The following PDGFC variants were observed in gnomAD, a reference collection of about 807,000 sequenced individuals.
PDGFC encodes the protein platelet-derived growth factor C.
PDGFC carries 12 observed loss-of-function variants against 35.5 expected under a neutral mutation model. The ratio of observed to expected loss-of-function variants is 0.34; its 90% CI spans 0.22 to 0.55. The LOEUF (loss-of-function observed/expected upper bound fraction) is 0.55, where lower values mean the gene tolerates loss of function less well. Ranked by LOEUF, PDGFC falls within the 20% of genes least tolerant of loss-of-function variation. The pLI is 0.91. For synonymous variants in PDGFC, 159 were observed against 148.8 expected (o/e 1.07, Z -0.50); for missense variants, 322 against 412.4 (o/e 0.78, Z 1.90).
chr4:156,863,209 A>G (rs1414788972), intron 1 of PDGFC, among the ~76,000 whole-genome samples: 1 of 152,196 alleles, frequency 6.6e-6, no homozygotes, highest in African/African-American at 2.4e-5. Context: ...TGATGTTATT[A>G]ATTATGTCAG....
chr4:156,958,212 A>G (rs902526447), intron 1 of PDGFC, among the ~76,000 whole-genome samples: 1 of 151,888 alleles, frequency 6.6e-6, no homozygotes, highest in Non-Finnish European at 1.5e-5. Context: ...TCAGCTTCAG[A>G]CAGGTACCTA....
intron 1 of PDGFC, among the ~76,000 whole-genome samples, chr4:156,952,744 C>A (rs1284654394): frequency 6.6e-6 from 1 of 151,822 alleles, no homozygotes; most frequent in Non-Finnish European, 1.5e-5. Context: ...AAGTAAATTT[C>A]CTTGGTATTG....
chr4:156,864,844 C>T (rs1729798066), intron 1 of PDGFC, among the ~76,000 whole-genome samples: 1 of 152,120 alleles, frequency 6.6e-6, no homozygotes, highest in African/African-American at 2.4e-5. Flanking sequence ...AACTAGCCTT[C>T]AAAATTCCTC....
intron 1 of PDGFC, chr4:156,967,820 C>G (rs1383468304): frequency 1.3e-5 from 2 of 152,202 alleles, no homozygotes; most frequent in African/African-American, 4.8e-5. Flanking sequence ...AGACACCCTC[C>G]AAGCAAGTCA....
intron 1 of PDGFC, among the ~76,000 whole-genome samples, chr4:156,917,001 T>A (rs931118366): frequency 3.3e-5 from 5 of 152,160 alleles, no homozygotes; most frequent in Admixed American, 2.0e-4. Flanking sequence ...CTTAGCTCAA[T>A]ATCCCCTTAA....
chr4:156,826,174 A>AAT (rs1288749370), intron 2 of PDGFC, among the ~76,000 whole-genome samples: 65 of 43,798 alleles, frequency 1.5e-3, no homozygotes, highest in African/African-American at 5.0e-3. Flanking sequence ...TTTGAGTTGG[A>AAT]TTTTTTTTTT....
At chr4:156,961,410 A>G (rs1732340664) in intron 1 of PDGFC, among the ~76,000 whole-genome samples, 1 of 152,138 alleles carries the variant, frequency 6.6e-6, no homozygotes, top group Admixed American at 6.5e-5. Flanking sequence ...GGGCATATTT[A>G]AGCACAGAAG....
At chr4:156,892,806 T>C (rs1255774648) in intron 1 of PDGFC, among the ~76,000 whole-genome samples, 1 of 152,200 alleles carries the variant, frequency 6.6e-6, no homozygotes, top group East Asian at 1.9e-4. Flanking sequence ...TTGCTGCAGT[T>C]GAAGCACTCA....
intron 3 of PDGFC, among the ~76,000 whole-genome samples, chr4:156,798,192 AAAAAC>A (rs775598483): frequency 3.9e-5 from 6 of 152,194 alleles, no homozygotes; most frequent in Non-Finnish European, 5.9e-5. Flanking sequence ...ACTCCGTCAC[AAAAAC>A]AAAACAAAAC....
chr4:156,824,327 T>TATATATATATATATATATATAC (rs1491500876), intron 2 of PDGFC, among the ~76,000 whole-genome samples: 2 of 102,820 alleles, frequency 1.9e-5, no homozygotes, highest in Non-Finnish European at 3.7e-5. Flanking sequence ...TATATATATA[T>TATATATATATATATATATATAC]ACACACACAC....
chr4:156,921,447 C>T (rs1731279242), intron 1 of PDGFC, among the ~76,000 whole-genome samples: 2 of 151,654 alleles, frequency 1.3e-5, no homozygotes, highest in Non-Finnish European at 2.9e-5. Flanking sequence ...TTCCAGACAT[C>T]CAGAGAACTT....
At chr4:156,907,463 C>T (rs1730941147) in intron 1 of PDGFC, among the ~76,000 whole-genome samples, 1 of 152,136 alleles carries the variant, frequency 6.6e-6, no homozygotes, top group Non-Finnish European at 1.5e-5. Flanking sequence ...AGGGTTTCAT[C>T]TCTTAAGATG....
chr4:156,817,742 T>TG (rs1732129608), intron 2 of PDGFC, among the ~76,000 whole-genome samples: 1 of 152,062 alleles, frequency 6.6e-6, no homozygotes, highest in Non-Finnish European at 1.5e-5. Context: ...CCAGCGCAGC[T>TG]ATCCTCCCCA....
At chr4:156,812,487 T>C (rs936188696) in intron 2 of PDGFC, among the ~76,000 whole-genome samples, 5 of 152,122 alleles carry the variant, frequency 3.3e-5, no homozygotes, top group African/African-American at 1.2e-4. Flanking sequence ...TGCAAAACTT[T>C]TGTTAAAACG....
At chr4:156,862,884 G>A (rs1729749885) in intron 1 of PDGFC, among the ~76,000 whole-genome samples, 2 of 152,010 alleles carry the variant, frequency 1.3e-5, no homozygotes, top group South Asian at 4.1e-4. Context: ...TAGTAGAGAC[G>A]GGGTATCACC....
intron 3 of PDGFC, among the ~76,000 whole-genome samples, chr4:156,777,316 G>A (rs936844197): frequency 1.3e-5 from 2 of 152,136 alleles, no homozygotes; most frequent in Non-Finnish European, 2.9e-5. Context: ...ATAGACACAC[G>A]TTGTATTATG....
At chr4:156,806,039 C>A (rs1219433133) in intron 3 of PDGFC, among the ~76,000 whole-genome samples, 1 of 152,038 alleles carries the variant, frequency 6.6e-6, no homozygotes, top group African/African-American at 2.4e-5. Flanking sequence ...GGCTATAATA[C>A]TTACATACTA....
chr4:156,852,712 G>C (rs1190986371), intron 1 of PDGFC, among the ~76,000 whole-genome samples: 1 of 152,132 alleles, frequency 6.6e-6, no homozygotes, highest in Non-Finnish European at 1.5e-5. Flanking sequence ...TATCAAGTGA[G>C]CCCACAAGAT....
chr4:156,858,949 T>G (rs1729645761), intron 1 of PDGFC, among the ~76,000 whole-genome samples: 1 of 152,118 alleles, frequency 6.6e-6, no homozygotes, highest in Non-Finnish European at 1.5e-5. Flanking sequence ...AGTAGCTACC[T>G]ATTACTTTGT....
Sources: gnomAD v4.1 joint callset for allele counts (sites outside exome capture counted in the v4.1 genomes callset) on GRCh38, gnomAD v4.1.1 for gene constraint, MANE v1.5 for transcripts, NCBI Gene and HGNC (gene_info 2026-07-23, HGNC 2026-07-21) for gene names.